Variants in MARCHF1 observed in about 807,000 individuals in gnomAD.
MARCHF1 encodes E3 ubiquitin-protein ligase MARCHF1.
MARCHF1 carries 40 observed loss-of-function variants against 54.2 expected under a neutral mutation model. That is an observed-to-expected ratio of 0.74 (90% CI 0.57 to 0.96). The LOEUF (loss-of-function observed/expected upper bound fraction) is 0.96. MARCHF1 is among the 40% of genes least tolerant of loss of function. MARCHF1 has a pLI of 0.00. For missense variants in MARCHF1, 586 were observed against 656.5 expected (o/e 0.89, Z 1.17); for synonymous variants, 236 against 236.3 (o/e 1.00, Z 0.01).
At chr4:163,720,151 A>G (rs1745399002) in intron 4 of MARCHF1, among the ~76,000 whole-genome samples, 2 of 152,226 alleles carry the variant, frequency 1.3e-5, no homozygotes, top group African/African-American at 2.4e-5. Context: ...TAGGGTTTTT[A>G]TGGTTTTAGG....
chr4:164,347,472 T>C (rs1009370579), intron 1 of MARCHF1, among the ~76,000 whole-genome samples: 35 of 152,218 alleles, frequency 2.3e-4, no homozygotes, highest in Non-Finnish European at 4.7e-4. Flanking sequence ...CTCTGCATCA[T>C]GTCAAATTCA....
At chr4:163,650,942 T>C (rs988291745) in intron 5 of MARCHF1, among the ~76,000 whole-genome samples, 21 of 151,812 alleles carry the variant, frequency 1.4e-4, no homozygotes, top group African/African-American at 5.1e-4. Flanking sequence ...AATGACTAGA[T>C]GAGGTGAATA....
chr4:164,087,752 A>C (rs1047648856), intron 2 of MARCHF1, among the ~76,000 whole-genome samples: 6 of 152,100 alleles, frequency 3.9e-5, no homozygotes, highest in African/African-American at 1.2e-4. Context: ...TCTTGGTCTC[A>C]TCAAGGAACT....
chr4:164,257,570 ATAAAATATATATATATTTGAAAAATG>A (rs1191476583), intron 1 of MARCHF1, among the ~76,000 whole-genome samples: 2 of 151,822 alleles, frequency 1.3e-5, no homozygotes, highest in Non-Finnish European at 2.9e-5. Context: ...TGGGATAGTG[ATAAAATATATATATATTTGAAAAATG>A]TAAAATATAT....
At chr4:163,901,605 C>G (rs1047888017) in intron 3 of MARCHF1, among the ~76,000 whole-genome samples, 2 of 152,104 alleles carry the variant, frequency 1.3e-5, no homozygotes, top group Admixed American at 1.3e-4. Flanking sequence ...AATATTTTTT[C>G]AGAGTTAAAA....
intron 1 of MARCHF1, among the ~76,000 whole-genome samples, chr4:164,196,377 T>C (rs13115598): frequency 0.78 from 118,768 of 152,050 alleles, 46,755 homozygotes; most frequent in Non-Finnish European, 0.83. Context: ...CTGAGATATT[T>C]GAAGCTTATA....
intron 1 of MARCHF1, among the ~76,000 whole-genome samples, chr4:164,318,357 G>GTT (rs1735052039): frequency 6.6e-6 from 1 of 152,134 alleles, no homozygotes; most frequent in Non-Finnish European, 1.5e-5. Flanking sequence ...GGTTGGTTTT[G>GTT]TTATACTAGA....
At chr4:164,323,756 C>T (rs980222939) in intron 1 of MARCHF1, among the ~76,000 whole-genome samples, 3 of 151,516 alleles carry the variant, frequency 2.0e-5, no homozygotes, top group Non-Finnish European at 4.4e-5. Context: ...TAACATACTT[C>T]TTAGCAACAT....
intron 1 of MARCHF1, among the ~76,000 whole-genome samples, chr4:164,198,772 G>A (rs545751886): frequency 6.6e-6 from 1 of 152,278 alleles, no homozygotes; most frequent in South Asian, 2.1e-4. Context: ...GGGAATAGAA[G>A]TATCATTTCA....
chr4:163,917,627 A>T (rs1751338685), intron 3 of MARCHF1, among the ~76,000 whole-genome samples: 1 of 151,634 alleles, frequency 6.6e-6, no homozygotes, highest in South Asian at 2.1e-4. Flanking sequence ...TTTTTTCTTC[A>T]ACTTTTAAGT....
At chr4:163,887,021 C>A (rs912821762) in intron 3 of MARCHF1, among the ~76,000 whole-genome samples, 2 of 152,100 alleles carry the variant, frequency 1.3e-5, no homozygotes, top group African/African-American at 4.8e-5. Context: ...TTCCAACTTT[C>A]ACTTGTGTTT....
At chr4:163,669,401 C>A (rs1743650162) in intron 5 of MARCHF1, among the ~76,000 whole-genome samples, 2 of 152,082 alleles carry the variant, frequency 1.3e-5, no homozygotes, top group Admixed American at 6.6e-5. Context: ...AAATGATCTG[C>A]AGGTGACGTG....
chr4:163,642,930 T>C (rs1361084886), intron 5 of MARCHF1, among the ~76,000 whole-genome samples: 1 of 151,876 alleles, frequency 6.6e-6, no homozygotes, highest in Admixed American at 6.6e-5. Context: ...CTAACTGAAA[T>C]ATGGTATTAT....
intron 2 of MARCHF1, among the ~76,000 whole-genome samples, chr4:164,022,238 G>T (rs543711855): frequency 5.3e-5 from 8 of 152,278 alleles, no homozygotes; most frequent in African/African-American, 1.7e-4. Context: ...CTAGCCAAGT[G>T]TGACTAATTA....
intron 1 of MARCHF1, among the ~76,000 whole-genome samples, chr4:164,262,799 G>T (rs2111281784): frequency 6.6e-6 from 1 of 152,244 alleles, no homozygotes; most frequent in South Asian, 2.1e-4. Context: ...CAAAGGGTTT[G>T]TCACAATGAC....
intron 1 of MARCHF1, among the ~76,000 whole-genome samples, chr4:164,303,131 G>A (rs866121989): frequency 3.9e-5 from 6 of 152,130 alleles, no homozygotes; most frequent in Middle Eastern, 6.8e-3. Context: ...GATGGTTCAC[G>A]GTTTCCCTCT....
intron 2 of MARCHF1, among the ~76,000 whole-genome samples, chr4:164,046,835 G>T (rs1450567382): frequency 6.6e-6 from 1 of 152,232 alleles, no homozygotes; most frequent in Non-Finnish European, 1.5e-5. Context: ...ACTCAGAGAA[G>T]TTTCATGGAA....
intron 4 of MARCHF1, among the ~76,000 whole-genome samples, chr4:163,845,557 T>A (rs1442080629): frequency 6.6e-6 from 1 of 150,698 alleles, no homozygotes; most frequent in African/African-American, 2.4e-5. Context: ...AAAATGAAAT[T>A]AAGATCTTAA....
intron 1 of MARCHF1, among the ~76,000 whole-genome samples, chr4:164,220,335 C>G (rs1732059202): frequency 6.9e-6 from 1 of 144,376 alleles, no homozygotes; most frequent in Non-Finnish European, 1.5e-5. Context: ...TATAGGAATT[C>G]CATTATATAT....
Sources: gnomAD v4.1 joint callset for allele counts (sites outside exome capture counted in the v4.1 genomes callset) on GRCh38, gnomAD v4.1.1 for gene constraint, MANE v1.5 for transcripts, NCBI Gene and HGNC (gene_info 2026-07-23, HGNC 2026-07-21) for gene names.